Variants in PTPRM observed in about 807,000 individuals in gnomAD.
The protein encoded by PTPRM is receptor-type tyrosine-protein phosphatase mu.
In PTPRM, 47 loss-of-function variants were observed where a neutral mutation model predicts 186.7. That is an observed-to-expected ratio of 0.25 (90% confidence interval 0.20 to 0.32). The LOEUF (loss-of-function observed/expected upper bound fraction) is 0.32, where lower values mean the gene tolerates loss of function less well. PTPRM is among the 10% of genes least tolerant of loss of function. PTPRM has a pLI of 1.00. For synonymous variants in PTPRM, 668 were observed against 674.9 expected (o/e 0.99, Z 0.16); for missense variants, 1,494 against 1,865.0 (o/e 0.80, Z 3.66).
At chr18:8,290,977 A>G (rs572736249) in intron 19 of PTPRM, among the ~76,000 whole-genome samples, 8 of 152,288 alleles carry the variant, frequency 5.3e-5, no homozygotes, top group African/African-American at 1.9e-4. Flanking sequence ...TATTGCCTAA[A>G]TGTGCATATT....
At chr18:7,802,929 T>C (rs1279047274) in intron 2 of PTPRM, among the ~76,000 whole-genome samples, 2 of 152,170 alleles carry the variant, frequency 1.3e-5, no homozygotes. Context: ...AATTGTATAA[T>C]GGCAGTTAGA....
rs571279439 is a variant in PTPRM, at chr18:7,616,021, A to C, written c.73+48130A>C. Among the ~76,000 whole-genome samples, 71 of 152,270 alleles carry C rather than the reference A, an allele frequency of 4.7e-4. 1 individual carries two copies. Among genetic ancestry groups the C allele is most frequent in the Middle Eastern group, 3.4e-3 (1 of 294 alleles). On this transcript the variant is annotated intron_variant, in intron 1 of 32. Coordinates refer to ENST00000580170, the MANE Select transcript of PTPRM (RefSeq NM_001105244.2). Reference sequence around the variant, plus strand: ...ATCTGACAGGAGGTGGAGCTCAGGCAGTAATGCTCGCGAGCCGCCACTCAT... The same window carrying C: ...ATCTGACAGGAGGTGGAGCTCAGGCCGTAATGCTCGCGAGCCGCCACTCAT...
At chr18:7,844,260 A>G (rs1352870134) in intron 2 of PTPRM, among the ~76,000 whole-genome samples, 1 of 152,188 alleles carries the variant, frequency 6.6e-6, no homozygotes. Context: ...AAGAATTCAC[A>G]TCATATGCTT....
intron 2 of PTPRM, among the ~76,000 whole-genome samples, chr18:7,793,161 G>A (rs1042059900): frequency 2.6e-5 from 4 of 151,752 alleles, no homozygotes; most frequent in South Asian, 2.1e-4. Context: ...TGAAGTGTTA[G>A]GGTGTGGTTT....
At chr18:8,032,025 G>T (rs940981642) in intron 7 of PTPRM, among the ~76,000 whole-genome samples, 1 of 152,094 alleles carries the variant, frequency 6.6e-6, no homozygotes, top group African/African-American at 2.4e-5. Context: ...GAAAAATAAT[G>T]TTGAAAAAAG....
intron 7 of PTPRM, among the ~76,000 whole-genome samples, chr18:8,000,923 C>T (rs550268279): frequency 4.6e-5 from 7 of 152,174 alleles, no homozygotes; most frequent in Non-Finnish European, 8.8e-5. Context: ...CAATTTGGAA[C>T]ATAGCAAATG....
chr18:8,398,422 C>G (rs1220887757), intron 32 of PTPRM, among the ~76,000 whole-genome samples: 1 of 152,054 alleles, frequency 6.6e-6, no homozygotes, highest in Non-Finnish European at 1.5e-5. Flanking sequence ...ACTGGAGATG[C>G]AAAAGTCCTA....
At chr18:8,111,494 T>C (rs1445143372) in intron 11 of PTPRM, among the ~76,000 whole-genome samples, 1 of 152,060 alleles carries the variant, frequency 6.6e-6, no homozygotes, top group Non-Finnish European at 1.5e-5. Flanking sequence ...GCGCCTGTAG[T>C]TCCAGCTACT....
chr18:7,992,563 G>T (rs745866569), intron 7 of PTPRM, among the ~76,000 whole-genome samples: 19 of 152,076 alleles, frequency 1.2e-4, no homozygotes, highest in Non-Finnish European at 2.5e-4. Flanking sequence ...GGGCAACAAA[G>T]AGTTGTGCAT....
chr18:7,911,841 T>C (rs2050281198), intron 4 of PTPRM, among the ~76,000 whole-genome samples: 1 of 142,600 alleles, frequency 7.0e-6, no homozygotes, highest in Non-Finnish European at 1.5e-5. Flanking sequence ...AGTTTTATGG[T>C]TTCAATTTTT....
intron 1 of PTPRM, among the ~76,000 whole-genome samples, chr18:7,745,909 A>G (rs2040975753): frequency 1.3e-5 from 2 of 152,224 alleles, no homozygotes; most frequent in South Asian, 2.1e-4. Context: ...TTAGGCACAT[A>G]TGAAAAGTAG....
chr18:8,131,631 C>T (rs1395075349), intron 13 of PTPRM, among the ~76,000 whole-genome samples: 1 of 152,124 alleles, frequency 6.6e-6, no homozygotes, highest in East Asian at 1.9e-4. Context: ...CATCAGTTCT[C>T]AAGAGAGCAT....
At chr18:7,725,229 G>GA (rs2040522683) in intron 1 of PTPRM, among the ~76,000 whole-genome samples, 1 of 152,082 alleles carries the variant, frequency 6.6e-6, no homozygotes, top group African/African-American at 2.4e-5. Flanking sequence ...CATTTTTGGG[G>GA]GGTCCTTTTG....
At chr18:8,039,833 C>T (rs973111140) in intron 7 of PTPRM, among the ~76,000 whole-genome samples, 12 of 152,106 alleles carry the variant, frequency 7.9e-5, no homozygotes, top group African/African-American at 2.4e-5. Flanking sequence ...TTAGAGGTGA[C>T]AGGCCATGTA....
intron 7 of PTPRM, among the ~76,000 whole-genome samples, chr18:8,063,039 G>A (rs1363880181): frequency 1.3e-4 from 19 of 150,718 alleles, no homozygotes; most frequent in Non-Finnish European, 2.1e-4. Context: ...GGGCAATGGC[G>A]GGCGCCCCTC....
At chr18:7,570,989 A>C (rs931851328) in intron 1 of PTPRM, among the ~76,000 whole-genome samples, 2 of 147,350 alleles carry the variant, frequency 1.4e-5, no homozygotes, top group Non-Finnish European at 3.0e-5. Flanking sequence ...GCCAGGCTGG[A>C]GTACAGTGGC....
At chr18:7,664,732 C>A (rs776669077) in intron 1 of PTPRM, among the ~76,000 whole-genome samples, 1 of 152,124 alleles carries the variant, frequency 6.6e-6, no homozygotes, top group Non-Finnish European at 1.5e-5. Context: ...TGACATAACT[C>A]TTTTGTTGAG....
At chr18:8,301,894 G>T (rs1357943741) in intron 20 of PTPRM, among the ~76,000 whole-genome samples, 1 of 152,224 alleles carries the variant, frequency 6.6e-6, no homozygotes, top group African/African-American at 2.4e-5. Context: ...GGGATGAGAT[G>T]CCAACCAGGA....
intron 13 of PTPRM, among the ~76,000 whole-genome samples, chr18:8,126,000 T>TTTTTTTTTTTTTTTTTTTTAA (rs2092335388): frequency 6.1e-5 from 1 of 16,314 alleles, no homozygotes; most frequent in African/African-American, 1.2e-4. Context: ...TATATATATA[T>TTTTTTTTTTTTTTTTTTTTAA]ATATATATAT....
Sources: gnomAD v4.1 joint callset for allele counts (sites outside exome capture counted in the v4.1 genomes callset) on GRCh38, gnomAD v4.1.1 for gene constraint, MANE v1.5 for transcripts, NCBI Gene and HGNC (gene_info 2026-07-23, HGNC 2026-07-21) for gene names.